Variants in SRFBP1 observed in about 807,000 individuals in gnomAD.
SRFBP1 encodes serum response factor binding protein 1.
Under a neutral mutation model 45.5 loss-of-function variants are expected in SRFBP1, and 47 were observed. The ratio of observed to expected loss-of-function variants is 1.03; its 90% CI spans 0.82 to 1.32. The LOEUF (loss-of-function observed/expected upper bound fraction) is 1.32, where lower values mean the gene tolerates loss of function less well. Ranked by LOEUF, SRFBP1 falls within the 40% of genes most tolerant of loss-of-function variation. The probability of loss-of-function intolerance (pLI) is 0.00; values close to 1 mark genes in which losing one functional copy is unlikely to be tolerated. For synonymous variants in SRFBP1, 203 were observed against 166.3 expected, an observed-to-expected ratio of 1.22 and a Z score of -1.70; for missense variants, 621 against 484.6, an observed-to-expected ratio of 1.28 and a Z score of -2.64.
intron 7 of SRFBP1, among the ~76,000 whole-genome samples, chr5:122,023,345 A>G (rs531635935): frequency 6.6e-6 from 1 of 152,316 alleles, no homozygotes; most frequent in East Asian, 1.9e-4. Context: ...CACTGCATCT[A>G]GCTCAAAGTC....
Position 121,962,011 on chromosome 5 carries a change from G to C in SRFBP1, c.-22G>C. 1 of 1,613,370 alleles carries C rather than the reference G, an allele frequency of 6.2e-7. No homozygotes were observed. The highest frequency in any genetic ancestry group is 1.1e-5 in the South Asian group (1 of 91,076). On this transcript the variant is annotated 5_prime_UTR_variant, in exon 1 of 8. Coordinates refer to ENST00000339397, the MANE Select transcript of SRFBP1 (RefSeq NM_152546.3). ...GACCGGTTCACGTGCAGGCAGCGGC[G>C]GATCATATTCCTTCATCTACCATGG...
intron 2 of SRFBP1, chr5:122,063,163 A>G (rs1294027923): frequency 6.6e-6 from 1 of 151,974 alleles, no homozygotes; most frequent in Non-Finnish European, 1.5e-5. Flanking sequence ...AAATCAGATG[A>G]TTTATTTATA....
chr5:122,054,118 A>G (rs1754036219), intron 2 of SRFBP1, among the ~76,000 whole-genome samples: 1 of 152,170 alleles, frequency 6.6e-6, no homozygotes, highest in Admixed American at 6.5e-5. Flanking sequence ...TTAAGCTGAT[A>G]CTGATCTGCT....
intron 2 of SRFBP1, among the ~76,000 whole-genome samples, chr5:122,062,133 C>G (rs971362368): frequency 6.6e-6 from 1 of 151,824 alleles, no homozygotes; most frequent in African/African-American, 2.4e-5. Context: ...GTGAATCTCC[C>G]AAAGTATGGG....
chr5:121,992,616 C>T (rs1752641581), intron 3 of SRFBP1, among the ~76,000 whole-genome samples: 1 of 152,036 alleles, frequency 6.6e-6, no homozygotes, highest in African/African-American at 2.4e-5. Context: ...TTTAGCCTAG[C>T]ACACAATGTG....
chr5:121,983,181 T>C (rs932877732), intron 3 of SRFBP1, among the ~76,000 whole-genome samples: 1 of 151,660 alleles, frequency 6.6e-6, no homozygotes, highest in East Asian at 1.9e-4. Flanking sequence ...CACCTCAATT[T>C]GGAGTTAAAT....
intron 3 of SRFBP1, among the ~76,000 whole-genome samples, chr5:121,988,615 G>A (rs903066291): frequency 2.0e-5 from 3 of 152,212 alleles, no homozygotes; most frequent in Non-Finnish European, 2.9e-5. Flanking sequence ...TTGGCTGTTA[G>A]TCACGTAAGC....
rs1357303039 is a variant in SRFBP1 at position 121,979,760 on chromosome 5, T to C, written c.198+4373T>C. 7.9e-5 allele frequency among the ~76,000 whole-genome samples: 12 copies of C among 152,254 alleles called. No individual in the cohort carries two copies. The East Asian group carries it at 2.1e-3, about 27-fold the overall frequency. On this transcript the variant is annotated intron_variant, in intron 3 of 7. Transcript: ENST00000339397. ...TCCTTTCCACATCAGACGTGTACTT[T>C]CCAGCCCAGAGTCTCCAAATGAGGA...
chr5:122,036,093 C>A (rs1753689238), intron 2 of SRFBP1, among the ~76,000 whole-genome samples: 1 of 152,220 alleles, frequency 6.6e-6, no homozygotes, highest in Non-Finnish European at 1.5e-5. Context: ...TCTGCACGTT[C>A]CCAAGATATG....
At chr5:121,986,429 A>C (rs548615571) in intron 3 of SRFBP1, among the ~76,000 whole-genome samples, 1 of 152,216 alleles carries the variant, frequency 6.6e-6, no homozygotes, top group South Asian at 2.1e-4. Context: ...CAAGTGTTAT[A>C]ATTAGGTTGA....
intron 3 of SRFBP1, among the ~76,000 whole-genome samples, chr5:121,988,588 G>C (rs576079493): frequency 6.6e-6 from 1 of 152,316 alleles, no homozygotes; most frequent in East Asian, 1.9e-4. Flanking sequence ...CCTGAGCCTA[G>C]GTGTTGAGGG....
downstream of SRFBP1, chr5:122,078,186 CT>C: frequency 2.2e-6 from 1 of 464,128 alleles, no homozygotes; most frequent in Non-Finnish European, 3.6e-6. Flanking sequence ...ACGTGGCACC[CT>C]TCCCTTTCCC....
At chr5:121,972,934 A>T (rs944158249) in intron 1 of SRFBP1, among the ~76,000 whole-genome samples, 1 of 151,960 alleles carries the variant, frequency 6.6e-6, no homozygotes. Context: ...CATGCAAGTT[A>T]CACAGAATGA....
At chr5:121,969,710 A>C (rs1216771150) in intron 1 of SRFBP1, among the ~76,000 whole-genome samples, 1 of 152,020 alleles carries the variant, frequency 6.6e-6, no homozygotes, top group Non-Finnish European at 1.5e-5. Context: ...TTCAGACCTT[A>C]TAGATTGTCT....
chr5:122,058,747 G>A (rs1184934160), intron 2 of SRFBP1, among the ~76,000 whole-genome samples: 2 of 152,016 alleles, frequency 1.3e-5, no homozygotes, highest in Non-Finnish European at 2.9e-5. Flanking sequence ...TCATGTTGTT[G>A]GGGCATTTGA....
chr5:121,983,463 C>G (rs915485463), intron 3 of SRFBP1, among the ~76,000 whole-genome samples: 1 of 151,692 alleles, frequency 6.6e-6, no homozygotes, highest in African/African-American at 2.4e-5. Context: ...TAATCACTTA[C>G]ATTAAACAAG....
intron 3 of SRFBP1, among the ~76,000 whole-genome samples, chr5:121,982,411 C>G (rs1232070509): frequency 6.6e-6 from 1 of 151,838 alleles, no homozygotes; most frequent in African/African-American, 2.4e-5. Context: ...CTTTAAGTTA[C>G]TATTTTGTAT....
chr5:121,968,768 G>A (rs984777710), intron 1 of SRFBP1, among the ~76,000 whole-genome samples: 1 of 152,186 alleles, frequency 6.6e-6, no homozygotes, highest in Admixed American at 6.5e-5. Context: ...GTATTTGTCT[G>A]TTTCCTCCAA....
chr5:121,969,241 C>T (rs11951684), intron 1 of SRFBP1, among the ~76,000 whole-genome samples: 5,249 of 152,208 alleles, frequency 0.034, 308 homozygotes, highest in African/African-American at 0.12. Context: ...TAAATGCTCA[C>T]ATTGTAAAAC....
Sources: gnomAD v4.1 joint callset for allele counts (sites outside exome capture counted in the v4.1 genomes callset) on GRCh38, gnomAD v4.1.1 for gene constraint, MANE v1.5 for transcripts, NCBI Gene and HGNC (gene_info 2026-07-23, HGNC 2026-07-21) for gene names.